The following BTBD9 variants were observed in gnomAD, a reference collection of about 807,000 sequenced individuals.
BTBD9 encodes BTB/POZ domain-containing protein 9.
In BTBD9, 49 loss-of-function variants were observed where a neutral mutation model predicts 64.3. The ratio of observed to expected loss-of-function variants is 0.76; its 90% confidence interval spans 0.61 to 0.97. BTBD9 has a LOEUF of 0.97. Ranked by LOEUF, BTBD9 falls within the 50% of genes least tolerant of loss-of-function variation. The pLI is 0.00. For missense variants in BTBD9, 598 were observed against 762.1 expected (o/e 0.78, Z 2.53); for synonymous variants, 260 against 274.7 (o/e 0.95, Z 0.53).
chr6:38,618,891 C>A (rs1029346918), intron 1 of BTBD9, among the ~76,000 whole-genome samples: 1 of 152,076 alleles, frequency 6.6e-6, no homozygotes, highest in Non-Finnish European at 1.5e-5. Context: ...GAATGATAGC[C>A]GGAGAAAGGG....
chr6:38,512,089 T>C (rs10947744), intron 6 of BTBD9, among the ~76,000 whole-genome samples: 44,194 of 152,060 alleles, frequency 0.29, 7,474 homozygotes, highest in East Asian at 0.53. Context: ...TTCTCCTGCC[T>C]CAGCCTCCCC....
intron 4 of BTBD9, among the ~76,000 whole-genome samples, chr6:38,586,044 A>T: frequency 6.6e-6 from 1 of 151,930 alleles, no homozygotes; most frequent in East Asian, 1.9e-4. Flanking sequence ...CTTTTTATTC[A>T]ATAAAGATAT....
chr6:38,182,610 C>T (rs1314564319), intron 10 of BTBD9, among the ~76,000 whole-genome samples: 1 of 152,170 alleles, frequency 6.6e-6, no homozygotes, highest in Non-Finnish European at 1.5e-5. Context: ...GGCGGTTCTT[C>T]ACTTTGTGTG....
intron 9 of BTBD9, 119 bp from the exon 10 acceptor site, chr6:38,192,716 A>G: frequency 1.2e-6 from 1 of 833,154 alleles, no homozygotes; most frequent in Non-Finnish European, 2.0e-6. Flanking sequence ...GACCTGCACT[A>G]TAGGAGGGGC....
chr6:38,612,122 G>C (rs1777634773), intron 1 of BTBD9, among the ~76,000 whole-genome samples: 1 of 152,124 alleles, frequency 6.6e-6, no homozygotes, highest in South Asian at 2.1e-4. Flanking sequence ...TGGTGCATAG[G>C]TGTGCATTTT....
chr6:38,224,382 A>G (rs1279311801), intron 9 of BTBD9, among the ~76,000 whole-genome samples: 1 of 152,238 alleles, frequency 6.6e-6, no homozygotes, highest in East Asian at 1.9e-4. Context: ...AGATATGGCC[A>G]TGAGCGTATT....
At chr6:38,514,720 T>C (rs752951531) in intron 6 of BTBD9, among the ~76,000 whole-genome samples, 2 of 152,132 alleles carry the variant, frequency 1.3e-5, no homozygotes, top group African/African-American at 2.4e-5. Flanking sequence ...TTTCAGTGGG[T>C]AGAATAAAAT....
chr6:38,462,299 T>C (rs1443279472), intron 6 of BTBD9, among the ~76,000 whole-genome samples: 2 of 152,208 alleles, frequency 1.3e-5, no homozygotes, highest in South Asian at 4.1e-4. Flanking sequence ...AATTTTAGGT[T>C]TTACATTTAG....
intron 6 of BTBD9, among the ~76,000 whole-genome samples, chr6:38,460,972 T>C (rs1770058926): frequency 6.6e-6 from 1 of 152,178 alleles, no homozygotes; most frequent in Admixed American, 6.5e-5. Flanking sequence ...ATTAATGAAA[T>C]ATTTTATGTT....
rs368892200 is a variant in BTBD9 at position 38,311,497 on chromosome 6, T to C, written c.1265-23036A>G. 7.9e-5 allele frequency among the ~76,000 whole-genome samples: 12 copies of C among 152,362 alleles called. 2 individuals carry two copies. The East Asian group carries it at 1.2e-3, about 15-fold the overall frequency. ...TTCATCTATTGATGGAGACTTAACGTTGCTTCCAAATCTTGGCTATTGTGA... is the reference window on the plus strand; with the variant it reads ...TTCATCTATTGATGGAGACTTAACGCTGCTTCCAAATCTTGGCTATTGTGA... On this transcript the variant is annotated intron_variant, in intron 7 of 10. Transcript: ENST00000481247.
chr6:38,214,125 G>A (rs550950104), intron 9 of BTBD9, among the ~76,000 whole-genome samples: 1 of 152,182 alleles, frequency 6.6e-6, no homozygotes, highest in South Asian at 2.1e-4. Context: ...GTCTGTGTTG[G>A]CCTAGATTTC....
chr6:38,451,503 G>A (rs1769543531), intron 6 of BTBD9, among the ~76,000 whole-genome samples: 2 of 152,096 alleles, frequency 1.3e-5, no homozygotes, highest in South Asian at 2.1e-4. Context: ...AGTACCCATT[G>A]TTACCTCTTA....
intron 9 of BTBD9, among the ~76,000 whole-genome samples, chr6:38,195,526 A>G (rs1355267774): frequency 6.6e-6 from 1 of 152,146 alleles, no homozygotes; most frequent in Non-Finnish European, 1.5e-5. Flanking sequence ...AAAAAGCTTA[A>G]TAAGAACAAA....
chr6:38,564,271 CTAAGCTG>C (rs1338517602), intron 6 of BTBD9, among the ~76,000 whole-genome samples: 1 of 152,238 alleles, frequency 6.6e-6, no homozygotes, highest in Non-Finnish European at 1.5e-5. Flanking sequence ...GACTCTCCTA[CTAAGCTG>C]TAAGCTTTAA....
chr6:38,303,577 T>TA (rs1260045617), intron 7 of BTBD9, among the ~76,000 whole-genome samples: 1 of 151,814 alleles, frequency 6.6e-6, no homozygotes. Context: ...TACTCTGTGT[T>TA]AGTTTGTCAG....
chr6:38,523,701 C>A (rs1368902231), intron 6 of BTBD9, among the ~76,000 whole-genome samples: 1 of 152,162 alleles, frequency 6.6e-6, no homozygotes, highest in African/African-American at 2.4e-5. Context: ...TTTTCATTAT[C>A]ATTAGCAGGC....
chr6:38,204,496 T>G (rs1424155036), intron 9 of BTBD9, among the ~76,000 whole-genome samples: 1 of 152,156 alleles, frequency 6.6e-6, no homozygotes, highest in Admixed American at 6.5e-5. Flanking sequence ...ATGAAATGTA[T>G]AGAATATACA....
chr6:38,547,272 T>C (rs1774594934), intron 6 of BTBD9, among the ~76,000 whole-genome samples: 1 of 152,008 alleles, frequency 6.6e-6, no homozygotes, highest in African/African-American at 2.4e-5. Flanking sequence ...CTACAAAAAA[T>C]ACAAATAATT....
chr6:38,456,927 G>A (rs1769841001), intron 6 of BTBD9, among the ~76,000 whole-genome samples: 1 of 152,056 alleles, frequency 6.6e-6, no homozygotes. Flanking sequence ...GCACTTTGAA[G>A]GAAATAAATA....
Sources: gnomAD v4.1 joint callset for allele counts (sites outside exome capture counted in the v4.1 genomes callset) on GRCh38, gnomAD v4.1.1 for gene constraint, MANE v1.5 for transcripts, NCBI Gene and HGNC (gene_info 2026-07-23, HGNC 2026-07-21) for gene names.